Variants in GSDMC observed in about 807,000 individuals in gnomAD.
GSDMC encodes gasdermin-C.
Under a neutral mutation model 58.0 loss-of-function variants are expected in GSDMC, and 59 were observed. The observed-to-expected ratio is 1.02, with a 90% CI of 0.82 to 1.26. The LOEUF (loss-of-function observed/expected upper bound fraction) is 1.26, where lower values mean the gene tolerates loss of function less well. GSDMC is among the 50% of genes most tolerant of loss of function. GSDMC has a pLI of 0.00. For synonymous variants in GSDMC, 241 were observed against 220.2 expected, an observed-to-expected ratio of 1.09 and a Z score of -0.83; for missense variants, 659 against 598.5, an observed-to-expected ratio of 1.10 and a Z score of -1.06.
chr8:129,718,865 G>A, the GSDMC span, among the ~76,000 whole-genome samples: 1 of 152,204 alleles, frequency 6.6e-6, no homozygotes, highest in Non-Finnish European at 1.5e-5. Context: ...AAAAAAGGAT[G>A]AGTTCATGTC....
chr8:129,780,322 A>G (rs1405213310), intron 1 of GSDMC, among the ~76,000 whole-genome samples: 2 of 152,210 alleles, frequency 1.3e-5, no homozygotes, highest in Admixed American at 1.3e-4. Flanking sequence ...TTTAAGCCAA[A>G]GAAGACTACC....
the GSDMC span, among the ~76,000 whole-genome samples, chr8:129,724,955 G>T: frequency 6.6e-6 from 1 of 152,138 alleles, no homozygotes; most frequent in Admixed American, 6.5e-5. Context: ...AGCTCTACTT[G>T]GAGGTTTTCT....
Position 129,751,959 on chromosome 8 carries a change from T to C in GSDMC, c.887-68A>G. 4.6e-6 allele frequency: 7 copies of C among 1,530,114 alleles called. No individual in the cohort carries two copies. The South Asian group carries it at 7.8e-5, about 17-fold the overall frequency. 94.8% of individuals were successfully genotyped at this position (1,530,114 alleles called of 1,614,324 possible). On this transcript the variant is annotated intron_variant, in intron 8 of 13. Coordinates refer to ENST00000276708, the MANE Select transcript of GSDMC (RefSeq NM_031415.3). The stretch of plus-strand genomic sequence containing the variant: ...CTAGATTTCTCCAACCTTCTGCCCT[T>C]CTTTCCCTGAACCACTCTTCTCTAT...
At chr8:129,729,794 G>C in the GSDMC span, 1 of 616,940 alleles carries the variant, frequency 1.6e-6, no homozygotes, top group Non-Finnish European at 2.9e-6. Flanking sequence ...GAAATTTGAA[G>C]GAGGTGTGCA....
chr8:129,758,820 C>G (rs1013553941), intron 6 of GSDMC, among the ~76,000 whole-genome samples: 1 of 152,078 alleles, frequency 6.6e-6, no homozygotes, highest in Non-Finnish European at 1.5e-5. Context: ...AATGCAATCC[C>G]TATCAAAACA....
intron 5 of GSDMC, among the ~76,000 whole-genome samples, chr8:129,761,081 T>A (rs1279309964): frequency 6.6e-6 from 1 of 152,190 alleles, no homozygotes; most frequent in Non-Finnish European, 1.5e-5. Context: ...AAAGCTAGCC[T>A]CACAGCAGTG....
intron 8 of GSDMC, 33 bp downstream of exon 8, chr8:129,752,073 T>G (rs759002109): frequency 1.2e-6 from 2 of 1,600,126 alleles, no homozygotes; most frequent in South Asian, 2.2e-5. Context: ...TTGTGCAGAT[T>G]GTCCTGGAAG....
the GSDMC span, chr8:129,706,418 T>C: frequency 6.6e-6 from 1 of 152,174 alleles, no homozygotes; most frequent in Non-Finnish European, 1.5e-5. Flanking sequence ...AACCTTGGCT[T>C]TCCAAACATC....
the GSDMC span, among the ~76,000 whole-genome samples, chr8:129,714,307 C>A: frequency 2.0e-5 from 3 of 152,186 alleles, no homozygotes; most frequent in African/African-American, 7.2e-5. Flanking sequence ...GTTCAGTGCC[C>A]ATCACAGAAT....
intron 1 of GSDMC, among the ~76,000 whole-genome samples, chr8:129,781,926 C>T (rs879576182): frequency 3.3e-5 from 5 of 152,138 alleles, no homozygotes; most frequent in African/African-American, 4.8e-5. Context: ...CATTTTTCTC[C>T]TCATCACATG....
the GSDMC span, among the ~76,000 whole-genome samples, chr8:129,715,663 C>T: frequency 6.6e-6 from 1 of 152,114 alleles, no homozygotes; most frequent in Non-Finnish European, 1.5e-5. Context: ...AGCAAAGCTG[C>T]ATTACAAGAA....
chr8:129,742,586 C>T, the GSDMC span, among the ~76,000 whole-genome samples: 1 of 152,094 alleles, frequency 6.6e-6, no homozygotes, highest in Admixed American at 6.6e-5. Context: ...GCCTTGGCTT[C>T]CCCAGACTCT....
At chr8:129,782,151 G>A (rs1347410190) in intron 1 of GSDMC, among the ~76,000 whole-genome samples, 2 of 152,278 alleles carry the variant, frequency 1.3e-5, no homozygotes, top group East Asian at 3.9e-4. Context: ...TGAGGAAATT[G>A]AAACATTTCT....
At chr8:129,778,899 C>A (rs774723962) in intron 1 of GSDMC, among the ~76,000 whole-genome samples, 3 of 151,318 alleles carry the variant, frequency 2.0e-5, no homozygotes, top group Non-Finnish European at 4.4e-5. Context: ...CAAATCAAAA[C>A]CACAATGAGA....
chr8:129,766,090 G>A (rs138043250), intron 3 of GSDMC, among the ~76,000 whole-genome samples: 9 of 152,186 alleles, frequency 5.9e-5, no homozygotes, highest in African/African-American at 1.9e-4. Flanking sequence ...TTTAGCACTA[G>A]GGTCTCTCAG....
At chr8:129,728,600 A>G in the GSDMC span, 10 of 206,174 alleles carry the variant, frequency 4.9e-5, no homozygotes, top group Non-Finnish European at 8.9e-5. Context: ...AGCTCAGACC[A>G]CTATGCATTC....
chr8:129,727,927 C>T, the GSDMC span, among the ~76,000 whole-genome samples: 4 of 152,296 alleles, frequency 2.6e-5, no homozygotes, highest in East Asian at 7.7e-4. Context: ...TCTTGGCAAC[C>T]TGGAACCCCC....
chr8:129,765,865 C>T, intron 3 of GSDMC, 72 bp from the exon 4 acceptor site: 2 of 1,332,330 alleles, frequency 1.5e-6, no homozygotes, highest in Non-Finnish European at 2.1e-6. Context: ...TCTGGGTGCC[C>T]TTCTCCCCAA....
chr8:129,714,623 A>G, the GSDMC span, among the ~76,000 whole-genome samples: 1 of 152,228 alleles, frequency 6.6e-6, no homozygotes. Context: ...CAAAATAAGA[A>G]GTCGATTTAA....
Sources: allele counts gnomAD v4.1 joint callset (sites outside exome capture counted in the v4.1 genomes callset), GRCh38; gene constraint gnomAD v4.1.1; transcripts MANE v1.5; gene names NCBI Gene and HGNC (gene_info 2026-07-23, HGNC 2026-07-21).